The following KIAA1217 variants were observed in gnomAD, a reference collection of about 807,000 sequenced individuals.
The protein encoded by KIAA1217 is sickle tail protein homolog.
Under a neutral mutation model 163.9 loss-of-function variants are expected in KIAA1217, and 88 were observed. The ratio of observed to expected loss-of-function variants is 0.54; its 90% CI spans 0.45 to 0.64. The LOEUF is 0.64. KIAA1217 is among the 30% of genes least tolerant of loss of function. KIAA1217 has a pLI of 0.00. For synonymous variants in KIAA1217, 903 were observed against 923.1 expected, an observed-to-expected ratio of 0.98 and a Z score of 0.39; for missense variants, 2,372 against 2,475.0, an observed-to-expected ratio of 0.96 and a Z score of 0.88.
chr10:24,250,197 A>T (rs1765091441), intron 2 of KIAA1217, among the ~76,000 whole-genome samples: 1 of 152,190 alleles, frequency 6.6e-6, no homozygotes, highest in South Asian at 2.1e-4. Context: ...CTGGCATTTT[A>T]AGAAGAAAGC....
chr10:23,820,876 A>C (rs1490181945), intron 1 of KIAA1217, among the ~76,000 whole-genome samples: 1 of 152,176 alleles, frequency 6.6e-6, no homozygotes, highest in Non-Finnish European at 1.5e-5. Context: ...TTAAAGATGA[A>C]GAGCAGAGAA....
At chr10:24,233,975 A>G (rs1178341143) in intron 2 of KIAA1217, among the ~76,000 whole-genome samples, 5 of 152,242 alleles carry the variant, frequency 3.3e-5, no homozygotes, top group Non-Finnish European at 7.3e-5. Context: ...TAACATTACC[A>G]GATGACCTCT....
intron 2 of KIAA1217, among the ~76,000 whole-genome samples, chr10:24,063,671 T>G (rs1564653948): frequency 6.6e-6 from 1 of 152,224 alleles, no homozygotes; most frequent in Non-Finnish European, 1.5e-5. Context: ...TTTCCAATTC[T>G]GTGAAGAAAG....
chr10:23,837,685 C>T (rs1411962195), intron 1 of KIAA1217, among the ~76,000 whole-genome samples: 2 of 152,052 alleles, frequency 1.3e-5, no homozygotes, highest in African/African-American at 4.8e-5. Flanking sequence ...AGGCATGTGC[C>T]ACTATGCTTG....
In KIAA1217 at chr10:23,825,031, T is replaced by C. The variant is rs79878660; in HGVS notation, c.-321+129797T>C. 2.6e-3 allele frequency among the ~76,000 whole-genome samples: 391 copies of C among 152,294 alleles called. 8 individuals are homozygous for C. In the East Asian group the frequency reaches 0.044, roughly 17 times the overall value. ...TCGGGAACATCTGCTCCACATGGTT[T>C]GGTCTCAATTCAGCAAAATGCATGA... On this transcript the variant is annotated intron_variant, in intron 1 of 18. Coordinates refer to the KIAA1217 transcript ENST00000376462.
At chr10:24,060,181 CTATT>C (rs900020747) in intron 2 of KIAA1217, among the ~76,000 whole-genome samples, 9 of 151,786 alleles carry the variant, frequency 5.9e-5, no homozygotes, top group East Asian at 5.8e-4. Flanking sequence ...ATTCTCTATT[CTATT>C]TATTTCTGTT....
chr10:24,475,555 C>T (rs940289988), intron 6 of KIAA1217, among the ~76,000 whole-genome samples: 32 of 152,214 alleles, frequency 2.1e-4, no homozygotes, highest in African/African-American at 7.0e-4. Context: ...AGTTCTAACT[C>T]TCTCATGTAG....
chr10:24,517,807 C>T (rs1378566562), intron 10 of KIAA1217, among the ~76,000 whole-genome samples: 2 of 152,110 alleles, frequency 1.3e-5, no homozygotes, highest in African/African-American at 4.8e-5. Flanking sequence ...CCAGTCTGGC[C>T]AACATGGCGA....
At chr10:24,035,498 T>C (rs1257624679) in intron 2 of KIAA1217, among the ~76,000 whole-genome samples, 1 of 152,132 alleles carries the variant, frequency 6.6e-6, no homozygotes, top group Non-Finnish European at 1.5e-5. Context: ...ACACTCCATA[T>C]CTGCAACACC....
chr10:23,996,131 C>T (rs960458948), intron 1 of KIAA1217, among the ~76,000 whole-genome samples: 8 of 152,098 alleles, frequency 5.3e-5, no homozygotes, highest in Admixed American at 2.0e-4. Context: ...TTGCCCACTT[C>T]TAGCCTCTGC....
At chr10:24,141,220 AAT>A (rs1436714003) in intron 2 of KIAA1217, among the ~76,000 whole-genome samples, 10 of 123,176 alleles carry the variant, frequency 8.1e-5, no homozygotes, top group Non-Finnish European at 1.4e-4. Context: ...TCAGAGAAAG[AAT>A]AAACCCCCCC....
intron 2 of KIAA1217, among the ~76,000 whole-genome samples, chr10:24,018,667 A>G (rs1230302772): frequency 6.6e-6 from 1 of 152,058 alleles, no homozygotes; most frequent in Non-Finnish European, 1.5e-5. Context: ...AAAAAACTAA[A>G]CTTAGAACTG....
chr10:24,511,537 C>T (rs1291974913), intron 9 of KIAA1217, among the ~76,000 whole-genome samples: 7 of 151,970 alleles, frequency 4.6e-5, no homozygotes, highest in Non-Finnish European at 1.0e-4. Flanking sequence ...ATCCCAGCTA[C>T]TTGGGAGGCT....
At chr10:24,542,476 T>C in intron 17 of KIAA1217, 1 of 1,394,772 alleles carries the variant, frequency 7.2e-7, no homozygotes, top group Non-Finnish European at 9.3e-7. Flanking sequence ...AATCTTTTGC[T>C]AATTGAGATT....
At chr10:23,977,629 T>C (rs1845594441) in intron 1 of KIAA1217, among the ~76,000 whole-genome samples, 1 of 152,236 alleles carries the variant, frequency 6.6e-6, no homozygotes, top group South Asian at 2.1e-4. Flanking sequence ...ACTCTGTTTT[T>C]ATCTTTTAAA....
intron 1 of KIAA1217, among the ~76,000 whole-genome samples, chr10:23,920,910 T>C (rs1227903297): frequency 1.3e-5 from 2 of 152,124 alleles, no homozygotes; most frequent in Non-Finnish European, 2.9e-5. Flanking sequence ...AGAGAATAAG[T>C]CTCATGATTT....
At chr10:24,421,936 C>G (rs1027070213) in intron 3 of KIAA1217, among the ~76,000 whole-genome samples, 2 of 152,178 alleles carry the variant, frequency 1.3e-5, no homozygotes, top group Non-Finnish European at 2.9e-5. Flanking sequence ...CGTCTGTTCT[C>G]ATGCTGCTAA....
At chr10:24,474,104 G>T (rs2063777419) in intron 6 of KIAA1217, 44 bp downstream of exon 6, 1 of 1,434,350 alleles carries the variant, frequency 7.0e-7, no homozygotes, top group Middle Eastern at 2.5e-4. Context: ...CTGGGCCCAT[G>T]TGTCACTGTG....
chr10:23,749,060 A>G (rs531862921), intron 1 of KIAA1217, among the ~76,000 whole-genome samples: 3 of 152,292 alleles, frequency 2.0e-5, no homozygotes, highest in South Asian at 4.1e-4. Context: ...TTATTGGTGT[A>G]TATTTCCAGA....
Sources: allele counts gnomAD v4.1 joint callset (sites outside exome capture counted in the v4.1 genomes callset), GRCh38; gene constraint gnomAD v4.1.1; transcripts MANE v1.5; gene names NCBI Gene and HGNC (gene_info 2026-07-23, HGNC 2026-07-21).